The following KCNK12 variants were observed in gnomAD, a reference collection of about 807,000 sequenced individuals.
The protein encoded by KCNK12 is potassium channel subfamily K member 12.
A neutral mutation model predicts 25.3 loss-of-function variants in KCNK12; 6 were observed. That is an observed-to-expected ratio of 0.24 (90% CI 0.13 to 0.47). The LOEUF is 0.47. Ranked by LOEUF, KCNK12 falls within the 20% of genes least tolerant of loss-of-function variation. The pLI, the probability that KCNK12 is intolerant of heterozygous loss-of-function variation, is 0.99. For missense variants in KCNK12, 444 were observed against 661.7 expected (o/e 0.67, Z 3.61); for synonymous variants, 331 against 311.1 (o/e 1.06, Z -0.67).
At chr2:47,535,308 G>C (rs1311347330) in intron 1 of KCNK12, 2 of 233,062 alleles carry the variant, frequency 8.6e-6, no homozygotes, top group African/African-American at 4.4e-5. Flanking sequence ...CTATGGGCTG[G>C]TAAAGGGGCT....
Position 47,518,386 on chromosome 2 carries a change from A to C in KCNK12, c.*2521T>G, listed in dbSNP as rs7601062. Reference sequence around the variant, plus strand: ...TCTCATTTTCCTGCCCCTTGAAACCATGCTTACCATTCCTTTAGAAGATTG... The same window carrying C: ...TCTCATTTTCCTGCCCCTTGAAACCCTGCTTACCATTCCTTTAGAAGATTG... On this transcript the variant is annotated 3_prime_UTR_variant, in exon 2 of 2. Coordinates refer to ENST00000327876, the MANE Select transcript of KCNK12 (RefSeq NM_022055.2). The surrounding 1 kb of genome is among the most constrained non-coding windows in gnomAD (Gnocchi z 4.1). The C allele has an allele frequency of 6.6e-6, 1 of 152,020 alleles. No individual in the cohort carries two copies. Among genetic ancestry groups the C allele is most frequent in the Non-Finnish European group, 1.5e-5 (1 of 68,012 alleles). The allele number at this position is 152,020 out of a possible 1,614,324, so 9.4% of individuals were successfully genotyped here. A position where few individuals can be genotyped will look rare whatever the true frequency, so the allele number is the denominator to read the frequency against.
At chr2:47,554,747 C>T (rs1669515926) in intron 1 of KCNK12, among the ~76,000 whole-genome samples, 1 of 152,200 alleles carries the variant, frequency 6.6e-6, no homozygotes, top group Non-Finnish European at 1.5e-5. Flanking sequence ...GTGTGAAGAA[C>T]AGGCTGTCAA....
In KCNK12 at chr2:47,510,077, G is replaced by A. The variant is rs909813099; in HGVS notation, c.*10830C>T. On this transcript the variant is annotated 3_prime_UTR_variant, in exon 2 of 2. Transcript: ENST00000327876. ...GTGACTCTCTTCTGGTCAATGAGAT[G>A]CAGCAGAAAGTCCTAGGGAGGTCTA... 1 of 152,212 alleles carries A rather than the reference G, an allele frequency of 6.6e-6. No individual in the cohort carries two copies. The highest frequency in any genetic ancestry group is 1.5e-5 in the Non-Finnish European group (1 of 68,046). The allele number at this position is 152,212 out of a possible 1,614,324, so 9.4% of individuals were successfully genotyped here.
intron 1 of KCNK12, among the ~76,000 whole-genome samples, chr2:47,568,039 G>T (rs1012889690): frequency 2.0e-5 from 3 of 152,170 alleles, no homozygotes; most frequent in Non-Finnish European, 2.9e-5. Flanking sequence ...CAGGCCATTG[G>T]AATGGGGCCT....
intron 1 of KCNK12, among the ~76,000 whole-genome samples, chr2:47,553,218 C>T (rs1338708222): frequency 6.6e-6 from 1 of 152,166 alleles, no homozygotes; most frequent in Non-Finnish European, 1.5e-5. Flanking sequence ...AGTGTGAACA[C>T]CAGTAGCTAT....
intron 1 of KCNK12, among the ~76,000 whole-genome samples, chr2:47,559,737 C>T (rs927076314): frequency 6.6e-5 from 10 of 152,182 alleles, no homozygotes; most frequent in African/African-American, 1.9e-4. Flanking sequence ...TGGCTTACTT[C>T]GCAGATGGGG....
Position 47,548,852 on chromosome 2 carries a change from CTT to C in KCNK12, c.391+21087_391+21088del, listed in dbSNP as rs1669366570. Among the ~76,000 whole-genome samples, 1 of 152,146 alleles carries C rather than the reference CTT, an allele frequency of 6.6e-6. No individual in the cohort carries two copies. On this transcript the variant is annotated intron_variant, in intron 1 of 1. Coordinates refer to ENST00000327876, the MANE Select transcript of KCNK12 (RefSeq NM_022055.2). The surrounding 1 kb of genome is among the most constrained non-coding windows in gnomAD (Gnocchi z 4.4). ...AGAGATCCAGACAGAGCCCAGAACTCTTGCTGAATTGAGGGGAGAGAAATTCA... is the reference window on the plus strand; with the variant it reads ...AGAGATCCAGACAGAGCCCAGAACTCGCTGAATTGAGGGGAGAGAAATTCA...
rs114664845 is a variant in KCNK12 at position 47,567,756 on chromosome 2, T to A, written c.391+2185A>T. ...CTGGGTCACTCGTAATATAACCACA[T>A]GCTTCAGTGTAGCCCTCCTACATTG... is the stretch of plus-strand genomic sequence containing the variant. On this transcript the variant is annotated intron_variant, in intron 1 of 1. Transcript: ENST00000327876. 5.9e-3 allele frequency among the ~76,000 whole-genome samples: 903 copies of A among 152,342 alleles called. 4 individuals carry two copies. The highest frequency in any genetic ancestry group is 0.024 in the Middle Eastern group (7 of 294).
rs1298454316 is a variant in KCNK12, at chr2:47,551,967, C to G, written c.391+17974G>C. ...GGAGCTGGGCCTCCTCCTGAAGGGC[C>G]TGCATCACCTCCTTCCTTCTTGTTT... On this transcript the variant is annotated intron_variant, in intron 1 of 1. Coordinates refer to ENST00000327876, the MANE Select transcript of KCNK12 (RefSeq NM_022055.2). The surrounding 1 kb of genome is among the most constrained non-coding windows in gnomAD (Gnocchi z 5.3). Among the ~76,000 whole-genome samples the G allele has an allele frequency of 6.6e-6, 1 of 152,160 alleles. No individual in the cohort carries two copies. Among genetic ancestry groups the G allele is most frequent in the Non-Finnish European group, 1.5e-5 (1 of 68,030 alleles).
chr2:47,537,765 A>G (rs1400627752), intron 1 of KCNK12, among the ~76,000 whole-genome samples: 1 of 152,256 alleles, frequency 6.6e-6, no homozygotes, highest in African/African-American at 2.4e-5. Context: ...AATAAAAATG[A>G]ATAAGATATG....
intron 1 of KCNK12, among the ~76,000 whole-genome samples, chr2:47,537,924 A>T (rs1339114221): frequency 6.6e-6 from 1 of 152,198 alleles, no homozygotes; most frequent in Non-Finnish European, 1.5e-5. Flanking sequence ...TGCCTTAGCC[A>T]GGAGATGGAG....
At chr2:47,534,418 C>A (rs1037658847) in intron 1 of KCNK12, among the ~76,000 whole-genome samples, 11 of 146,650 alleles carry the variant, frequency 7.5e-5, no homozygotes, top group Non-Finnish European at 1.3e-4. Context: ...CATTTACATA[C>A]AGCCCGTCTC....
At chr2:47,526,286 G>C (rs922606237) in intron 1 of KCNK12, among the ~76,000 whole-genome samples, 18 of 150,692 alleles carry the variant, frequency 1.2e-4, no homozygotes, top group Non-Finnish European at 2.1e-4. Flanking sequence ...GGTGCCTGTA[G>C]TCCCAGCTAC....
At chr2:47,561,866 A>C (rs754649369) in intron 1 of KCNK12, among the ~76,000 whole-genome samples, 28 of 152,214 alleles carry the variant, frequency 1.8e-4, no homozygotes, top group Admixed American at 3.3e-4. Context: ...AGTCGACACT[A>C]AACTATACTG....
chr2:47,554,603 GT>G (rs1260688394), intron 1 of KCNK12, among the ~76,000 whole-genome samples: 1 of 152,204 alleles, frequency 6.6e-6, no homozygotes, highest in African/African-American at 2.4e-5. Flanking sequence ...GCTAAGAGGG[GT>G]CAGGGCCAAA....
chr2:47,559,066 C>T (rs1038817498), intron 1 of KCNK12, among the ~76,000 whole-genome samples: 1 of 152,180 alleles, frequency 6.6e-6, no homozygotes, highest in Admixed American at 6.5e-5. Context: ...GGACCAGAAG[C>T]CCCCCTAGTT....
rs1417672931 is a variant in KCNK12 at position 47,514,146 on chromosome 2, C to T, written c.*6761G>A. 1.3e-5 allele frequency among the ~76,000 whole-genome samples: 2 copies of T among 152,356 alleles called. No individual in the cohort carries two copies. The highest frequency in any genetic ancestry group is 2.1e-4 in the South Asian group (1 of 4,828). On this transcript the variant is annotated 3_prime_UTR_variant, in exon 2 of 2. Coordinates refer to ENST00000327876, the MANE Select transcript of KCNK12 (RefSeq NM_022055.2). The surrounding 1 kb of genome is among the most constrained non-coding windows in gnomAD (Gnocchi z 5.0). ...GGCCCTGCTCTGTTCTTCCCACACA[C>T]TGCTCCTCTGCCTGGGCCACTCTTC...
intron 1 of KCNK12, among the ~76,000 whole-genome samples, chr2:47,539,402 C>T (rs1669145033): frequency 6.6e-6 from 1 of 152,152 alleles, no homozygotes; most frequent in South Asian, 2.1e-4. Flanking sequence ...TCTCTGGCTG[C>T]AGTACTGGGG....
chr2:47,569,827 G>A lies in KCNK12; in HGVS notation c.391+114C>T. 1 of 826,920 alleles carries A rather than the reference G, an allele frequency of 1.2e-6. No homozygotes were observed. The highest frequency in any genetic ancestry group is 1.7e-6 in the Non-Finnish European group (1 of 602,534). 51.2% of individuals were successfully genotyped at this position (826,920 alleles called of 1,614,324 possible). ...GAGGGCGAGACGAAAGTAAGCAAAG[G>A]GACATTAGAAGGGAAGGCAGAGCCG... is the stretch of plus-strand genomic sequence containing the variant. On this transcript the variant is annotated intron_variant, in intron 1 of 1. Coordinates refer to ENST00000327876, the MANE Select transcript of KCNK12 (RefSeq NM_022055.2). This position sits in a 1 kb window ranked among gnomAD's most constrained non-coding sequence, Gnocchi z 4.1.
Sources: gnomAD v4.1 joint callset for allele counts (sites outside exome capture counted in the v4.1 genomes callset) on GRCh38, gnomAD v4.1.1 for gene constraint, Gnocchi (gnomAD v3.1) non-coding constraint, MANE v1.5 for transcripts, NCBI Gene and HGNC (gene_info 2026-07-23, HGNC 2026-07-21) for gene names.